AKT3: variants seen among roughly 807,000 people sequenced by gnomAD.
The protein encoded by AKT3 is RAC-gamma serine/threonine-protein kinase.
In AKT3, 15 loss-of-function variants were observed where a neutral mutation model predicts 65.3. That is an observed-to-expected ratio of 0.23 (90% CI 0.15 to 0.35). The LOEUF is 0.35. Among genes scored for constraint, AKT3 ranks in the 10% least tolerant of loss-of-function variants. The pLI is 1.00. For missense variants in AKT3, 243 were observed against 576.5 expected (o/e 0.42, Z 5.92); for synonymous variants, 206 against 183.8 (o/e 1.12, Z -0.98).
At chr1:243,708,334 G>T (rs1685935641) in intron 2 of AKT3, among the ~76,000 whole-genome samples, 1 of 151,916 alleles carries the variant, frequency 6.6e-6, no homozygotes, top group Admixed American at 6.6e-5. Flanking sequence ...AAAGCTTATA[G>T]ATAATATAAA....
intron 12 of AKT3, among the ~76,000 whole-genome samples, chr1:243,523,413 G>T (rs1670853908): frequency 6.6e-6 from 1 of 152,038 alleles, no homozygotes; most frequent in African/African-American, 2.4e-5. Flanking sequence ...AGTACTTCCT[G>T]TTAGCCTGGT....
At chr1:243,781,636 T>A (rs1047071529) in intron 2 of AKT3, among the ~76,000 whole-genome samples, 45 of 152,184 alleles carry the variant, frequency 3.0e-4, no homozygotes, top group African/African-American at 1.0e-3. Flanking sequence ...AATGTTGATG[T>A]TTGAGTGACA....
intron 2 of AKT3, among the ~76,000 whole-genome samples, chr1:243,833,407 C>T (rs370716384): frequency 6.6e-6 from 1 of 151,592 alleles, no homozygotes; most frequent in Non-Finnish European, 1.5e-5. Flanking sequence ...CTTCACAGGG[C>T]GGCAGGAAGG....
intron 2 of AKT3, among the ~76,000 whole-genome samples, chr1:243,734,000 C>T (rs1487445243): frequency 6.6e-6 from 1 of 152,140 alleles, no homozygotes; most frequent in African/African-American, 2.4e-5. Context: ...ATATAAATCT[C>T]AGAAAATCCA....
intron 2 of AKT3, among the ~76,000 whole-genome samples, chr1:243,835,029 G>C (rs1159223120): frequency 6.6e-6 from 1 of 152,152 alleles, no homozygotes. Flanking sequence ...ATATGGAGCA[G>C]TAAAATACTA....
chr1:243,642,541 C>T (rs1391737809), intron 5 of AKT3, among the ~76,000 whole-genome samples: 4 of 152,168 alleles, frequency 2.6e-5, no homozygotes, highest in East Asian at 1.9e-4. Context: ...GATCTCCTGA[C>T]CTTGTGATCC....
intron 6 of AKT3, among the ~76,000 whole-genome samples, chr1:243,623,778 T>C (rs1389772950): frequency 6.6e-6 from 1 of 152,190 alleles, no homozygotes; most frequent in Non-Finnish European, 1.5e-5. Context: ...AGATGGCCTG[T>C]CTTGGGAATT....
At chr1:243,520,061 T>C (rs554058740) in intron 12 of AKT3, among the ~76,000 whole-genome samples, 2 of 152,350 alleles carry the variant, frequency 1.3e-5, no homozygotes, top group Admixed American at 1.3e-4. Context: ...TATTGTATTA[T>C]TATAGGTTGA....
At chr1:243,741,746 T>C (rs1688165485) in intron 2 of AKT3, 1 of 152,144 alleles carries the variant, frequency 6.6e-6, no homozygotes, top group Admixed American at 6.5e-5. Context: ...GCAGACATGA[T>C]AAAACATAAA....
chr1:243,810,730 A>G (rs942855103), intron 2 of AKT3, among the ~76,000 whole-genome samples: 2 of 152,214 alleles, frequency 1.3e-5, no homozygotes, highest in Non-Finnish European at 2.9e-5. Context: ...CAAAAAAAAG[A>G]GAATTTTAGA....
chr1:243,671,220 G>A (rs1683136730), intron 3 of AKT3, among the ~76,000 whole-genome samples: 1 of 151,942 alleles, frequency 6.6e-6, no homozygotes, highest in Non-Finnish European at 1.5e-5. Context: ...TGGGACTACA[G>A]GTGGCCACCA....
intron 2 of AKT3, among the ~76,000 whole-genome samples, chr1:243,713,315 C>A (rs1423991971): frequency 6.6e-6 from 1 of 152,050 alleles, no homozygotes; most frequent in Non-Finnish European, 1.5e-5. Flanking sequence ...CTTTCTAAAA[C>A]TAGACATGAA....
chr1:243,557,310 G>T, intron 10 of AKT3, among the ~76,000 whole-genome samples: 1 of 152,028 alleles, frequency 6.6e-6, no homozygotes, highest in Non-Finnish European at 1.5e-5. Context: ...TCCAGTTAGG[G>T]TTAGTTTTGT....
chr1:243,554,952 G>A (rs1301916603), intron 10 of AKT3, among the ~76,000 whole-genome samples: 1 of 150,868 alleles, frequency 6.6e-6, no homozygotes, highest in African/African-American at 2.4e-5. Flanking sequence ...AAAAAAGGGG[G>A]GTTTTATTTT....
At chr1:243,605,564 A>G (rs1677339740) in intron 8 of AKT3, among the ~76,000 whole-genome samples, 1 of 152,184 alleles carries the variant, frequency 6.6e-6, no homozygotes, top group African/African-American at 2.4e-5. Context: ...ATTTAAATCA[A>G]CTTGTCTATC....
chr1:243,695,837 ATTTTC>A (rs1685028621), intron 2 of AKT3, 121 bp from the exon 3 acceptor site: 1 of 789,768 alleles, frequency 1.3e-6, no homozygotes, highest in South Asian at 4.5e-5. Flanking sequence ...TAGTTACTCA[ATTTTC>A]TTTTAACTTA....
At chr1:243,772,141 T>C (rs550113461) in intron 2 of AKT3, among the ~76,000 whole-genome samples, 13 of 152,324 alleles carry the variant, frequency 8.5e-5, no homozygotes, top group South Asian at 4.1e-4. Flanking sequence ...AAAGACTTCA[T>C]GTCTAAAACA....
Position 243,501,683 on chromosome 1 carries a change from A to G in AKT3, c.*3566T>C, listed in dbSNP as rs1215613765. The stretch of plus-strand genomic sequence containing the variant: ...AGGTAGGTTAATACCAGCTGGGGCT[A>G]TTAAAAATCATGTTTTCATTAAAGA... On this transcript the variant is annotated 3_prime_UTR_variant, in exon 14 of 14. Transcript: ENST00000673466. 4.3e-6 allele frequency: 1 copy of G among 232,940 alleles called. No individual in the cohort carries two copies. The highest frequency in any genetic ancestry group is 8.5e-6 in the Non-Finnish European group (1 of 117,942). 14.4% of individuals were successfully genotyped at this position (232,940 alleles called of 1,614,324 possible).
chr1:243,794,073 G>C (rs1264364211), intron 2 of AKT3, among the ~76,000 whole-genome samples: 1 of 152,168 alleles, frequency 6.6e-6, no homozygotes, highest in African/African-American at 2.4e-5. Flanking sequence ...CTGTCACCCA[G>C]GGTACAGTGC....
Sources: allele counts gnomAD v4.1 joint callset (sites outside exome capture counted in the v4.1 genomes callset), GRCh38; gene constraint gnomAD v4.1.1; transcripts MANE v1.5; gene names NCBI Gene and HGNC (gene_info 2026-07-23, HGNC 2026-07-21).